The following ITGA1 variants were observed in gnomAD, a reference collection of about 807,000 sequenced individuals.
The protein encoded by ITGA1 is integrin alpha-1.
Under a neutral mutation model 145.9 loss-of-function variants are expected in ITGA1, and 85 were observed. The observed-to-expected ratio is 0.58, with a 90% CI of 0.49 to 0.70. The LOEUF (loss-of-function observed/expected upper bound fraction) is 0.70, where lower values mean the gene tolerates loss of function less well. ITGA1 is among the 30% of genes least tolerant of loss of function. ITGA1 has a pLI of 0.00. For synonymous variants in ITGA1, 520 were observed against 495.3 expected (o/e 1.05, Z -0.66); for missense variants, 1,351 against 1,418.7 (o/e 0.95, Z 0.77).
chr5:52,947,575 A>C (rs1365551410), intron 28 of ITGA1, 114 bp downstream of exon 28: 1 of 660,820 alleles, frequency 1.5e-6, no homozygotes, highest in Non-Finnish European at 2.7e-6. Flanking sequence ...AATGAAACAA[A>C]CGTTGAAATG....
In ITGA1 at chr5:52,905,926, TC is replaced by T. The variant is rs1238650406; in HGVS notation, c.1455+19del. 5 of 1,603,284 alleles carry T rather than the reference TC, an allele frequency of 3.1e-6. No individual in the cohort carries two copies. The South Asian group carries it at 5.6e-5, about 18-fold the overall frequency. On this transcript the variant is annotated intron_variant, in intron 12 of 28. Transcript: ENST00000282588. ...GAGAACAGGTAAACTTGAAAAATAT[TC>T]TTTTATTTAAATTAATCTATTCATA... is the stretch of plus-strand genomic sequence containing the variant.
At chr5:52,835,937 G>A (rs1437491340) in intron 1 of ITGA1, among the ~76,000 whole-genome samples, 1 of 152,060 alleles carries the variant, frequency 6.6e-6, no homozygotes, top group Non-Finnish European at 1.5e-5. Context: ...ATATCCTGTT[G>A]AACTTTGCCG....
intron 23 of ITGA1, among the ~76,000 whole-genome samples, chr5:52,936,051 C>T: frequency 3.3e-5 from 1 of 30,600 alleles, no homozygotes. Context: ...TCTCGGCTCA[C>T]TGCAAGCTCC....
intron 12 of ITGA1, among the ~76,000 whole-genome samples, chr5:52,908,111 G>T (rs1465407774): frequency 6.6e-6 from 1 of 152,188 alleles, no homozygotes; most frequent in African/African-American, 2.4e-5. Context: ...TTCAGAAAAT[G>T]AGAGTTGGGG....
intron 1 of ITGA1, among the ~76,000 whole-genome samples, chr5:52,820,700 T>G (rs755040686): frequency 6.6e-6 from 1 of 152,160 alleles, no homozygotes; most frequent in African/African-American, 2.4e-5. Flanking sequence ...TTGGTGATAT[T>G]TGGTGAGCCC....
chr5:52,931,198 C>T (rs988692236), intron 21 of ITGA1: 5 of 152,166 alleles, frequency 3.3e-5, no homozygotes, highest in African/African-American at 9.7e-5. Flanking sequence ...CTAACACTTA[C>T]TGAATATTTC....
At chr5:52,790,927 C>T (rs539262654) in intron 1 of ITGA1, among the ~76,000 whole-genome samples, 2 of 152,158 alleles carry the variant, frequency 1.3e-5, no homozygotes, top group Non-Finnish European at 2.9e-5. Flanking sequence ...GAAGATATGA[C>T]CTTGTTTTAT....
Position 52,918,856 on chromosome 5 carries a change from G to T in ITGA1, c.2113G>T (p.Asp705Tyr). The T allele has an allele frequency of 6.2e-7, 1 of 1,605,052 alleles. No individual in the cohort carries two copies. The highest frequency in any genetic ancestry group is 1.1e-5 in the South Asian group (1 of 88,232). ...ATGCATAAATGCTACAGTGTGTTTT[G>T]ATGTGAAATTAAAGTCTAAAGAAGA... is the stretch of plus-strand genomic sequence containing the variant. The part of the protein sequence containing the change: ...TVCINATVCF[D>Y]VKLKSKEDTI... Residue 705 changes from aspartate to tyrosine, a missense_variant, in exon 16 of 29, where the codon GAT (aspartate) becomes TAT (tyrosine). Physicochemically the swap from Asp to Tyr is radical, Grantham distance 160 (BLOSUM62 -3). Transcript: ENST00000282588.
chr5:52,810,059 T>A (rs1748661967), intron 1 of ITGA1, among the ~76,000 whole-genome samples: 1 of 152,240 alleles, frequency 6.6e-6, no homozygotes, highest in Non-Finnish European at 1.5e-5. Context: ...CTGCATTTCT[T>A]ACATGACTAA....
chr5:52,790,168 G>C (rs905396436), intron 1 of ITGA1, among the ~76,000 whole-genome samples: 1 of 152,100 alleles, frequency 6.6e-6, no homozygotes, highest in Non-Finnish European at 1.5e-5. Context: ...CACTACTGTA[G>C]AGCTTATCTT....
intron 1 of ITGA1, among the ~76,000 whole-genome samples, chr5:52,814,270 C>T (rs1274969603): frequency 1.3e-5 from 2 of 152,140 alleles, no homozygotes; most frequent in Non-Finnish European, 2.9e-5. Flanking sequence ...CCTTAGCCTC[C>T]CAAGTGGCTG....
At chr5:52,922,690 C>T in intron 17 of ITGA1, 87 bp from the exon 18 acceptor site, 3 of 845,040 alleles carry the variant, frequency 3.6e-6, no homozygotes, top group East Asian at 2.4e-5. Context: ...TAAGCCTGAC[C>T]CTTGGGAACA....
At chr5:52,820,026 C>T (rs1748849604) in intron 1 of ITGA1, among the ~76,000 whole-genome samples, 1 of 148,490 alleles carries the variant, frequency 6.7e-6, no homozygotes, top group Non-Finnish European at 1.5e-5. Context: ...GGTACCAGTA[C>T]CATGCTGTTT....
rs148857770 is a variant in ITGA1, at chr5:52,832,599, A to G, written c.62-16766A>G. ...CTAATCTCCATATTTTCTTACACCT[A>G]TGGTCAAATACATCTCTCTTGCAAG... On this transcript the variant is annotated intron_variant, in intron 1 of 28. Transcript: ENST00000282588. 1.2e-3 allele frequency among the ~76,000 whole-genome samples: 188 copies of G among 152,290 alleles called. 1 individual carries two copies. Among genetic ancestry groups the G allele is most frequent in the African/African-American group, 4.1e-3 (170 of 41,574 alleles).
At chr5:52,918,163 TA>T (rs1372503293) in intron 15 of ITGA1, among the ~76,000 whole-genome samples, 9 of 152,178 alleles carry the variant, frequency 5.9e-5, no homozygotes, top group African/African-American at 2.2e-4. Context: ...TGGCATAAAA[TA>T]TTTAACTTTT....
At chr5:52,940,758 T>G (rs1339933281) in intron 26 of ITGA1, among the ~76,000 whole-genome samples, 7 of 152,208 alleles carry the variant, frequency 4.6e-5, no homozygotes, top group Non-Finnish European at 1.5e-5. Flanking sequence ...AGTTGCTATT[T>G]TTATGTCATT....
intron 24 of ITGA1, among the ~76,000 whole-genome samples, chr5:52,938,963 C>A (rs745346053): frequency 6.6e-6 from 1 of 151,918 alleles, no homozygotes; most frequent in South Asian, 2.1e-4. Context: ...AGTGCAGTGG[C>A]GCGATCTTGG....
chr5:52,868,999 G>T (rs996295233), intron 6 of ITGA1, among the ~76,000 whole-genome samples: 1 of 152,170 alleles, frequency 6.6e-6, no homozygotes, highest in African/African-American at 2.4e-5. Context: ...TGCCTTAATG[G>T]TGCTTCTGTC....
intron 2 of ITGA1, among the ~76,000 whole-genome samples, chr5:52,856,922 G>A (rs1356508640): frequency 1.3e-5 from 2 of 152,036 alleles, no homozygotes; most frequent in Non-Finnish European, 2.9e-5. Context: ...TTCCTCACAC[G>A]AGTGGAAGTT....
Sources: gnomAD v4.1 joint callset for allele counts (sites outside exome capture counted in the v4.1 genomes callset) on GRCh38, gnomAD v4.1.1 for gene constraint, MANE v1.5 for transcripts, NCBI Gene and HGNC (gene_info 2026-07-23, HGNC 2026-07-21) for gene names.